Variants in CUBN observed in about 807,000 individuals in gnomAD.
CUBN encodes cubilin, also known as 460 kDa receptor.
CUBN carries 282 observed loss-of-function variants against 405.3 expected under a neutral mutation model. The ratio of observed to expected loss-of-function variants is 0.70; its 90% confidence interval spans 0.63 to 0.77. CUBN has a LOEUF of 0.77. CUBN is among the 30% of genes least tolerant of loss of function. The probability of loss-of-function intolerance (pLI) is 0.00; values close to 1 mark genes in which losing one functional copy is unlikely to be tolerated. For synonymous variants in CUBN, 1,684 were observed against 1,617.0 expected (o/e 1.04, Z -0.99); for missense variants, 4,514 against 4,475.2 (o/e 1.01, Z -0.25).
chr10:17,113,513 G>A (rs896230784), intron 8 of CUBN, among the ~76,000 whole-genome samples: 1 of 152,006 alleles, frequency 6.6e-6, no homozygotes, highest in Non-Finnish European at 1.5e-5. Flanking sequence ...TTTGACTAAC[G>A]GAGCCCATGT....
intron 27 of CUBN, among the ~76,000 whole-genome samples, chr10:17,037,306 C>A (rs1031952984): frequency 1.3e-5 from 2 of 152,126 alleles, no homozygotes; most frequent in Non-Finnish European, 2.9e-5. Context: ...CTCTGAAAAG[C>A]AATGAATGAA....
chr10:16,921,440 G>A (rs1444298912), intron 43 of CUBN, among the ~76,000 whole-genome samples: 1 of 152,014 alleles, frequency 6.6e-6, no homozygotes, highest in African/African-American at 2.4e-5. Flanking sequence ...CTGTCTGTCT[G>A]TCTCTCTCCT....
At chr10:17,105,037 G>A (rs915039834) in intron 11 of CUBN, among the ~76,000 whole-genome samples, 28 of 151,724 alleles carry the variant, frequency 1.8e-4, no homozygotes, top group African/African-American at 6.3e-4. Context: ...CTCCTGGCTC[G>A]TGATGCACCC....
intron 14 of CUBN, among the ~76,000 whole-genome samples, chr10:17,089,990 T>C (rs1386020511): frequency 6.6e-6 from 1 of 151,882 alleles, no homozygotes; most frequent in Admixed American, 6.6e-5. Context: ...GTGGTGCGTG[T>C]CTGTAGTCCC....
At chr10:17,008,105 T>G (rs1834073932) in intron 28 of CUBN, among the ~76,000 whole-genome samples, 1 of 152,056 alleles carries the variant, frequency 6.6e-6, no homozygotes, top group Non-Finnish European at 1.5e-5. Context: ...GAGCTGAGAT[T>G]GCGCCACTGC....
intron 48 of CUBN, among the ~76,000 whole-genome samples, chr10:16,912,910 G>A (rs371088805): frequency 2.2e-4 from 34 of 152,310 alleles, no homozygotes; most frequent in Middle Eastern, 3.4e-3. Flanking sequence ...ACCATCACAT[G>A]CTGCTGTGTT....
chr10:16,925,537 T>A (rs772508951), intron 42 of CUBN, 47 bp downstream of exon 42: 15 of 1,612,146 alleles, frequency 9.3e-6, no homozygotes, highest in African/African-American at 2.7e-5. Flanking sequence ...GTTTTCTGAA[T>A]GAAGTCTATG....
chr10:17,097,553 A>G (rs1460064654), intron 14 of CUBN, among the ~76,000 whole-genome samples: 1 of 152,204 alleles, frequency 6.6e-6, no homozygotes, highest in Non-Finnish European at 1.5e-5. Flanking sequence ...TAAAACATTG[A>G]CATTACCTGT....
chr10:16,906,097 G>C (rs1487348777), intron 50 of CUBN, 106 bp downstream of exon 50: 2 of 926,242 alleles, frequency 2.2e-6, no homozygotes, highest in East Asian at 5.2e-5. Context: ...CCGGGCAAGA[G>C]AGCAAGCTCC....
At chr10:17,065,117 T>G in intron 22 of CUBN, among the ~76,000 whole-genome samples, 1 of 43,154 alleles carries the variant, frequency 2.3e-5, no homozygotes, top group African/African-American at 8.5e-5. Flanking sequence ...CTTTATCATT[T>G]CTCTCTCTCT....
In CUBN at chr10:16,868,696, A is replaced by G. The variant is rs530624080; in HGVS notation, c.9454+940T>C. Among the ~76,000 whole-genome samples, 3 of 152,164 alleles carry G rather than the reference A, an allele frequency of 2.0e-5. No homozygotes were observed. The South Asian group carries it at 6.2e-4, about 32-fold the overall frequency. ...TCACCAGTGGTGTTTGATGTGGATA[A>G]TTTATTTCTCACATGCAGTGGGAGT... On this transcript the variant is annotated intron_variant, in intron 59 of 66. Coordinates refer to ENST00000377833, the MANE Select transcript of CUBN (RefSeq NM_001081.4).
intron 54 of CUBN, among the ~76,000 whole-genome samples, chr10:16,893,786 G>A (rs952471341): frequency 6.6e-6 from 1 of 152,088 alleles, no homozygotes; most frequent in African/African-American, 2.4e-5. Context: ...CCTTAGTGCT[G>A]GTTTCAGCTA....
rs1021663515 is a variant in CUBN at position 17,055,848 on chromosome 10, T to G, written c.3140-8245A>C. Among the ~76,000 whole-genome samples, 6 of 152,074 alleles carry G rather than the reference T, an allele frequency of 3.9e-5. 1 individual carries two copies. In the South Asian group the frequency reaches 1.2e-3, roughly 32 times the overall value. ...ATTTAAGATGACCTTTATCCCCAAA[T>G]TGGTCTGTAAATTCAATGCAATCTC... On this transcript the variant is annotated intron_variant, in intron 22 of 66. Coordinates refer to ENST00000377833, the MANE Select transcript of CUBN (RefSeq NM_001081.4).
At chr10:17,058,155 C>G (rs559769711) in intron 22 of CUBN, among the ~76,000 whole-genome samples, 6 of 152,046 alleles carry the variant, frequency 3.9e-5, no homozygotes. Flanking sequence ...AGAATACATA[C>G]TATGTATTCC....
At position 16,876,765 on chromosome 10, in the gene CUBN, C is replaced by A; in HGVS notation, c.9106+132G>T. 6 of 830,854 alleles carry A rather than the reference C, an allele frequency of 7.2e-6. No individual in the cohort carries two copies. The East Asian group carries it at 1.6e-4, about 22-fold the overall frequency. 51.5% of individuals were successfully genotyped at this position (830,854 alleles called of 1,614,324 possible). On this transcript the variant is annotated intron_variant, in intron 57 of 66. Transcript: ENST00000377833. ...GTATATGTATTTTTTAACCATGAAC[C>A]TCACTGACAATCTTTTTCCCTTAAA...
chr10:17,121,758 G>A (rs1300636481), intron 6 of CUBN: 10 of 151,944 alleles, frequency 6.6e-5, no homozygotes, highest in African/African-American at 2.4e-4. Flanking sequence ...ACTCATTTTT[G>A]CTGGAAAGAC....
intron 31 of CUBN, among the ~76,000 whole-genome samples, chr10:16,962,381 T>C (rs1317016038): frequency 6.6e-6 from 1 of 151,142 alleles, no homozygotes; most frequent in Admixed American, 6.6e-5. Context: ...GGGTGGGGGT[T>C]GTCCAGAAAT....
intron 11 of CUBN, among the ~76,000 whole-genome samples, 176 bp from the exon 12 acceptor site, chr10:17,104,781 ATAAT>A (rs1173673247): frequency 6.9e-6 from 1 of 145,236 alleles, no homozygotes; most frequent in Non-Finnish European, 1.5e-5. Flanking sequence ...TATTTATGTA[ATAAT>A]TATATATGTA....
At chr10:17,080,287 T>C (rs1250945756) in intron 17 of CUBN, among the ~76,000 whole-genome samples, 4 of 152,212 alleles carry the variant, frequency 2.6e-5, no homozygotes, top group Non-Finnish European at 5.9e-5. Flanking sequence ...TGAAGAGATG[T>C]ACAATTTCTG....
Sources: allele counts gnomAD v4.1 joint callset (sites outside exome capture counted in the v4.1 genomes callset), GRCh38; gene constraint gnomAD v4.1.1; transcripts MANE v1.5; gene names NCBI Gene and HGNC (gene_info 2026-07-23, HGNC 2026-07-21).